The following DCPS variants were observed in gnomAD, a reference collection of about 807,000 sequenced individuals.
DCPS encodes m7GpppX diphosphatase.
A neutral mutation model predicts 34.7 loss-of-function variants in DCPS; 27 were observed. That is an observed-to-expected ratio of 0.78 (90% CI 0.57 to 1.07). DCPS has a LOEUF of 1.07. DCPS is among the 50% of genes least tolerant of loss of function. DCPS has a pLI of 0.00. For missense variants in DCPS, 464 were observed against 436.9 expected (o/e 1.06, Z -0.55); for synonymous variants, 185 against 185.7 (o/e 1.00, Z 0.03).
chr11:126,335,176 G>A lies in DCPS; in HGVS notation c.523-3110G>A, dbSNP rs1156911070. ...ACACATGGCTGGAGGGGAAGTGCAA[G>A]GCAGCAGGCAGAAGCAGAGAGCAGG... is the stretch of plus-strand genomic sequence containing the variant. On this transcript the variant is annotated intron_variant, in intron 3 of 5. Transcript: ENST00000263579. The surrounding 1 kb of genome is among the most constrained non-coding windows in gnomAD (Gnocchi z 4.8). Among the ~76,000 whole-genome samples the A allele has an allele frequency of 6.6e-6, 1 of 152,248 alleles. No individual in the cohort carries two copies. The highest frequency in any genetic ancestry group is 1.5e-5 in the Non-Finnish European group (1 of 68,046).
At position 126,347,525 on chromosome 11, in the gene DCPS, C is replaced by G. The variant is rs1000014616; in HGVS notation, c.*1912C>G. Among the ~76,000 whole-genome samples the G allele has an allele frequency of 6.6e-6, 1 of 152,176 alleles. No homozygotes were observed. The highest frequency in any genetic ancestry group is 1.5e-5 in the Non-Finnish European group (1 of 68,036). ...AGGCGTGAGCCACCGCGCCCAGCCC[C>G]TGCAATACGTCAACAGTCCCTAGAT... is the stretch of plus-strand genomic sequence containing the variant. On this transcript the variant is annotated 3_prime_UTR_variant, in exon 6 of 6. Transcript: ENST00000263579. This position sits in a 1 kb window ranked among gnomAD's most constrained non-coding sequence, Gnocchi z 4.2.
intron 4 of DCPS, among the ~76,000 whole-genome samples, chr11:126,339,504 A>G (rs970982534): frequency 1.3e-5 from 2 of 152,234 alleles, no homozygotes; most frequent in Admixed American, 6.5e-5. Context: ...GCAAGTGAGC[A>G]TAATTCGTCT....
At chr11:126,314,768 C>T (rs1250318443) in intron 2 of DCPS, among the ~76,000 whole-genome samples, 1 of 152,074 alleles carries the variant, frequency 6.6e-6, no homozygotes, top group East Asian at 1.9e-4. Context: ...TATGTTCTCA[C>T]TCATATGTGG....
chr11:126,306,475 T>C (rs1179253671), intron 1 of DCPS, 95 bp from the exon 2 acceptor site: 53 of 1,311,916 alleles, frequency 4.0e-5, no homozygotes, highest in Non-Finnish European at 5.3e-5. Context: ...ATCCCAAGTA[T>C]TGGGAATTCA....
rs372510646 is a variant in DCPS, at chr11:126,322,323, G to T, written c.377-9082G>T. On this transcript the variant is annotated intron_variant, in intron 2 of 5. Coordinates refer to ENST00000263579, the MANE Select transcript of DCPS (RefSeq NM_014026.6). This position sits in a 1 kb window ranked among gnomAD's most constrained non-coding sequence, Gnocchi z 4.2. ...TTGTCGCCCAGGCTGGAGTGCATTG[G>T]TGCCATCTTGGCTCACTGCAACCTC... Among the ~76,000 whole-genome samples the T allele has an allele frequency of 6.6e-5, 10 of 152,178 alleles. No individual in the cohort carries two copies. Among genetic ancestry groups the T allele is most frequent in the African/African-American group, 2.4e-4 (10 of 41,518 alleles).
At chr11:126,340,204 C>G (rs1213672716) in intron 4 of DCPS, among the ~76,000 whole-genome samples, 1 of 152,252 alleles carries the variant, frequency 6.6e-6, no homozygotes, top group East Asian at 1.9e-4. Flanking sequence ...AGGAGCTGCA[C>G]TCTGGCTGCC....
In DCPS at chr11:126,316,251, G is replaced by A. The variant is rs145156651; in HGVS notation, c.376+9507G>A. 1.7e-3 allele frequency among the ~76,000 whole-genome samples: 265 copies of A among 151,626 alleles called. 1 individual carries two copies. Among genetic ancestry groups the A allele is most frequent in the Middle Eastern group, 3.4e-3 (1 of 290 alleles). ...CCATTACATCAAGCTTGTCCAACCCGCAGCCCAGGACAGCTTTGAATGCGG... is the reference window on the plus strand; with the variant it reads ...CCATTACATCAAGCTTGTCCAACCCACAGCCCAGGACAGCTTTGAATGCGG... On this transcript the variant is annotated intron_variant, in intron 2 of 5. Coordinates refer to ENST00000263579, the MANE Select transcript of DCPS (RefSeq NM_014026.6).
Position 126,319,993 on chromosome 11 carries a change from T to C in DCPS, c.377-11412T>C, listed in dbSNP as rs572248871. ...TGATCTCTCTTAACATCTCAGAGTA[T>C]GTCCTTTCAGATTTTTTTTTTTTTT... On this transcript the variant is annotated intron_variant, in intron 2 of 5. Coordinates refer to ENST00000263579, the MANE Select transcript of DCPS (RefSeq NM_014026.6). The surrounding 1 kb of genome is among the most constrained non-coding windows in gnomAD (Gnocchi z 4.5). 8.0e-6 allele frequency among the ~76,000 whole-genome samples: 1 copy of C among 125,426 alleles called. No individual in the cohort carries two copies. The highest frequency in any genetic ancestry group is 1.0e-4 in the Admixed American group (1 of 9,902). The allele number at this position is 125,426 out of a possible 152,430, so 82.3% of individuals were successfully genotyped here. A position where few individuals can be genotyped will look rare whatever the true frequency, so the allele number is the denominator to read the frequency against.
chr11:126,324,309 T>C (rs991700418), intron 2 of DCPS, among the ~76,000 whole-genome samples: 1 of 152,158 alleles, frequency 6.6e-6, no homozygotes, highest in Non-Finnish European at 1.5e-5. Context: ...GGTAAATTAT[T>C]TCAGAGAATT....
At position 126,349,780 on chromosome 11, in the gene DCPS, T is replaced by C. The variant is rs946435626; in HGVS notation, c.*4167T>C. On this transcript the variant is annotated 3_prime_UTR_variant, in exon 6 of 6. Transcript: ENST00000263579. This position sits in a 1 kb window ranked among gnomAD's most constrained non-coding sequence, Gnocchi z 5.4. ...AAATGTATTTTTTAAAATAAGATAA[T>C]TATTGATAGTTGTTTTTAAAATAGC... Among the ~76,000 whole-genome samples the C allele has an allele frequency of 2.0e-5, 3 of 152,210 alleles. No homozygotes were observed. The highest frequency in any genetic ancestry group is 4.4e-5 in the Non-Finnish European group (3 of 68,040).
rs1951697853 is a variant in DCPS at position 126,320,498 on chromosome 11, AATT to A, written c.377-10905_377-10903del. On this transcript the variant is annotated intron_variant, in intron 2 of 5. Transcript: ENST00000263579. This position sits in a 1 kb window ranked among gnomAD's most constrained non-coding sequence, Gnocchi z 4.7. ...TATTAAAGGAATATTCTTAAAAAAA[AATT>A]AACCCATCAAGACTACAAGGGCGGG... is the stretch of plus-strand genomic sequence containing the variant. Among the ~76,000 whole-genome samples, 4 of 152,160 alleles carry A rather than the reference AATT, an allele frequency of 2.6e-5. No homozygotes were observed. Among genetic ancestry groups the A allele is most frequent in the African/African-American group, 9.7e-5 (4 of 41,420 alleles).
intron 2 of DCPS, among the ~76,000 whole-genome samples, chr11:126,318,722 T>A (rs924561932): frequency 1.3e-5 from 2 of 152,200 alleles, no homozygotes; most frequent in Non-Finnish European, 2.9e-5. Context: ...TAAGTTAAGC[T>A]GGCTCCTCTG....
At chr11:126,343,821 T>G (rs775731742) in intron 5 of DCPS, among the ~76,000 whole-genome samples, 29 of 152,232 alleles carry the variant, frequency 1.9e-4, no homozygotes, top group Non-Finnish European at 3.1e-4. Context: ...TCTCCTTGTC[T>G]AGATTGAAGA....
rs1427520390 is a variant in DCPS at position 126,345,449 on chromosome 11, G to T, written c.850G>T (p.Gly284Cys). The change falls in exon 6 of 6, where the codon GGC becomes TGC. Residue 284 changes from glycine to cysteine, a missense_variant. Transcript: ENST00000263579. The surrounding 1 kb of genome is among the most constrained non-coding windows in gnomAD (Gnocchi z 7.4). ...YHLHVHFTALGFEAPGSGVER... is the reference protein window; with the variant it reads ...YHLHVHFTALCFEAPGSGVER... ...CCTGCATGTGCACTTCACCGCCCTG[G>T]GCTTCGAGGCCCCCGGCTCAGGCGT... The T allele has an allele frequency of 2.5e-6, 4 of 1,614,164 alleles. No individual in the cohort carries two copies. The highest frequency in any genetic ancestry group is 3.4e-6 in the Non-Finnish European group (4 of 1,180,020).
rs561227131 is a variant in DCPS at position 126,326,922 on chromosome 11, CA to C, written c.377-4471del. 6.3e-3 allele frequency among the ~76,000 whole-genome samples: 756 copies of C among 120,672 alleles called. 7 individuals are homozygous for C. Among genetic ancestry groups the C allele is most frequent in the African/African-American group, 0.021 (693 of 32,592 alleles). The allele number at this position is 120,672 out of a possible 152,430, so 79.2% of individuals were successfully genotyped here. ...TGGGCGACAGAGCGAGACTCTGTCT[CA>C]AAAAAAAAAAACAAAAAACAAAATA... is the stretch of plus-strand genomic sequence containing the variant. On this transcript the variant is annotated intron_variant, in intron 2 of 5. Transcript: ENST00000263579.
In DCPS at chr11:126,345,532, C is replaced by T. The variant is rs901836420; in HGVS notation, c.933C>T (p.His311=). The change falls in exon 6 of 6, where the codon CAC becomes CAT. Residue 311 remains histidine, a synonymous_variant. Transcript: ENST00000263579. The surrounding 1 kb of genome is among the most constrained non-coding windows in gnomAD (Gnocchi z 7.4). ...AGAACTTGGAGTGTGACCCTAGGCA[C>T]TACCAGCAGCGCACGCTCACCTTCG... The part of the protein sequence containing the change: ...VIENLECDPR[H]YQQRTLTFAL... 3.7e-6 allele frequency: 6 copies of T among 1,614,114 alleles called. No homozygotes were observed. Among genetic ancestry groups the T allele is most frequent in the Non-Finnish European group, 5.1e-6 (6 of 1,180,046 alleles).
intron 2 of DCPS, among the ~76,000 whole-genome samples, chr11:126,309,226 A>G (rs1951600608): frequency 6.6e-6 from 1 of 152,068 alleles, no homozygotes; most frequent in Admixed American, 6.5e-5. Context: ...GGGTTTCACC[A>G]TGTTGGCCAG....
At position 126,331,941 on chromosome 11, in the gene DCPS, G is replaced by C. The variant is rs1951797061; in HGVS notation, c.522+391G>C. ...TGATGTGCTTGGGCATGCCATGGAG[G>C]CTCTCTGGGGACCTCAAAGCAATCC... On this transcript the variant is annotated intron_variant, in intron 3 of 5. Transcript: ENST00000263579. The surrounding 1 kb of genome is among the most constrained non-coding windows in gnomAD (Gnocchi z 7.2). 1.3e-5 allele frequency among the ~76,000 whole-genome samples: 2 copies of C among 152,292 alleles called. No individual in the cohort carries two copies. Among genetic ancestry groups the C allele is most frequent in the South Asian group, 4.1e-4 (2 of 4,834 alleles).
At chr11:126,304,650 C>T (rs537706186) in intron 1 of DCPS, among the ~76,000 whole-genome samples, 3 of 152,252 alleles carry the variant, frequency 2.0e-5, no homozygotes, top group Admixed American at 6.5e-5. Context: ...TCCGTGGAAA[C>T]GACATGAGAC....
Sources: allele counts gnomAD v4.1 joint callset (sites outside exome capture counted in the v4.1 genomes callset), GRCh38; gene constraint gnomAD v4.1.1; non-coding constraint Gnocchi (gnomAD v3.1); transcripts MANE v1.5; gene names NCBI Gene and HGNC (gene_info 2026-07-23, HGNC 2026-07-21).